ZFPL1: variants seen among roughly 807,000 people sequenced by gnomAD.
ZFPL1 encodes zinc finger protein like 1, also known as zinc finger protein-like 1.
In ZFPL1, 28 loss-of-function variants were observed where a neutral mutation model predicts 32.0. The observed-to-expected ratio is 0.87, with a 90% CI of 0.65 to 1.20. The LOEUF is 1.20. Among genes scored for constraint, ZFPL1 ranks in the 50% most tolerant of loss-of-function variants. The pLI is 0.00. For missense variants in ZFPL1, 386 were observed against 424.8 expected (o/e 0.91, Z 0.80); for synonymous variants, 165 against 177.0 (o/e 0.93, Z 0.54).
intron 2 of ZFPL1, 30 bp from the exon 3 acceptor site, chr11:65,085,085 A>C (rs369205085): frequency 6.9e-6 from 11 of 1,604,524 alleles, no homozygotes; most frequent in Non-Finnish European, 7.7e-6. Context: ...CAGCCCCAGC[A>C]CCAGTTGTGA....
rs1947644859 is a variant in ZFPL1, at chr11:65,084,234, G to A, written c.-153G>A. ...CGCCGCACCCGGAAGAGACGTGGCA[G>A]CGGAGGGATAATCGGGGCGGCCGGG... On this transcript the variant is annotated 5_prime_UTR_variant, in exon 1 of 8. Transcript: ENST00000294258. The A allele has an allele frequency of 5.2e-6, 3 of 582,080 alleles. No individual in the cohort carries two copies. The South Asian group carries it at 6.2e-5, about 12-fold the overall frequency. The allele number at this position is 582,080 out of a possible 1,614,324, so 36.1% of individuals were successfully genotyped here.
chr11:65,087,645 G>A (rs1283908455), intron 7 of ZFPL1: 1 of 617,606 alleles, frequency 1.6e-6, no homozygotes, highest in Non-Finnish European at 2.8e-6. Context: ...TACACAGGAG[G>A]TTTGAACTCA....
In ZFPL1 at chr11:65,086,834, C is replaced by G. The variant is rs767873757; in HGVS notation, c.481+42C>G. The G allele has an allele frequency of 3.7e-6, 6 of 1,614,120 alleles. No homozygotes were observed. In the South Asian group the frequency reaches 6.6e-5, roughly 18 times the overall value. ...ACCGACTGTTTGGGCTTTAGCCTCCCTGCTCTGCTGACAGCTCCCTTGGTC... is the reference window on the plus strand; with the variant it reads ...ACCGACTGTTTGGGCTTTAGCCTCCGTGCTCTGCTGACAGCTCCCTTGGTC... On this transcript the variant is annotated intron_variant, in intron 5 of 7. Coordinates refer to ENST00000294258, the MANE Select transcript of ZFPL1 (RefSeq NM_006782.4).
intron 3 of ZFPL1, chr11:65,086,193 A>C: frequency 1.5e-6 from 1 of 645,452 alleles, no homozygotes; most frequent in Non-Finnish European, 2.7e-6. Context: ...CTTCCTACCC[A>C]AACTTACCCC....
rs115465092 is a variant in ZFPL1, at chr11:65,085,930, G to A, written c.215-485G>A. ...AGGGTGCCTGTTAGCAAACCTGTGA[G>A]TGTATAGATGTGTATGTGTGAGGGC... On this transcript the variant is annotated intron_variant, in intron 3 of 7. Transcript: ENST00000294258. 6.5e-3 allele frequency: 1,328 copies of A among 205,382 alleles called. 18 individuals are homozygous for A. Among genetic ancestry groups the A allele is most frequent in the African/African-American group, 0.03 (1,267 of 42,234 alleles). The allele number at this position is 205,382 out of a possible 1,614,324, so 12.7% of individuals were successfully genotyped here. A position where few individuals can be genotyped will look rare whatever the true frequency, so the allele number is the denominator to read the frequency against.
Position 65,087,068 on chromosome 11 carries a change from A to G in ZFPL1, c.622A>G (p.Thr208Ala). ...VIHMGNPEPL[T>A]HAPRKVYDTR... ...CCACATGGGCAATCCTGAGCCCTTG[A>G]CTCACGGTGAGCCTGGGAGTTATCC... Residue 208 changes from threonine (T) to alanine (A), a missense_variant, in exon 6 of 8, where the codon ACT becomes GCT. Coordinates refer to ENST00000294258, the MANE Select transcript of ZFPL1 (RefSeq NM_006782.4). 6.2e-7 allele frequency: 1 copy of G among 1,612,560 alleles called. No individual in the cohort carries two copies. The highest frequency in any genetic ancestry group is 8.5e-7 in the Non-Finnish European group (1 of 1,179,070).
intron 5 of ZFPL1, 41 bp downstream of exon 5, chr11:65,086,833 C>T (rs1947684552): frequency 1.2e-6 from 2 of 1,614,036 alleles, no homozygotes; most frequent in Admixed American, 3.3e-5. Context: ...CTTTAGCCTC[C>T]CTGCTCTGCT....
chr11:65,085,447 C>T, intron 3 of ZFPL1: 1 of 574,964 alleles, frequency 1.7e-6, no homozygotes, highest in Non-Finnish European at 3.1e-6. Flanking sequence ...CCTAGTTCCT[C>T]TTTCCTAAAA....
In ZFPL1 at chr11:65,085,141, G is replaced by T; in HGVS notation, c.129G>T (p.Trp43Cys). Residue 43 changes from tryptophan to cysteine, a missense_variant, in exon 3 of 8, where the codon TGG (tryptophan) becomes TGT (cysteine). Transcript: ENST00000294258. ...GCATCGTCCAGTCCTACCTGCAATGGCTCCAAGATAGCGACTACAACCCCA... is the reference window on the plus strand; with the variant it reads ...GCATCGTCCAGTCCTACCTGCAATGTCTCCAAGATAGCGACTACAACCCCA... ...AKCIVQSYLQ[W>C]LQDSDYNPNC... 1 of 1,614,140 alleles carries T rather than the reference G, an allele frequency of 6.2e-7. No individual in the cohort carries two copies. The highest frequency in any genetic ancestry group is 8.5e-7 in the Non-Finnish European group (1 of 1,180,026).
Position 65,084,366 on chromosome 11 carries a change from CACAGAG to C in ZFPL1, c.-18_-13del. The C allele has an allele frequency of 5.9e-6, 3 of 508,346 alleles. No homozygotes were observed. The South Asian group carries it at 6.8e-5, about 12-fold the overall frequency. The allele number at this position is 508,346 out of a possible 1,614,324, so 31.5% of individuals were successfully genotyped here. A position where few individuals can be genotyped will look rare whatever the true frequency, so the allele number is the denominator to read the frequency against. On this transcript the variant is annotated 5_prime_UTR_variant, in exon 1 of 8. Transcript: ENST00000294258. ...ACCAGTGCAGCGGCCGATCAGTAAA[CACAGAG>C]ACTGGGGTCTGTAGAGAAGGGGCGG...
rs1225462584 is a variant in ZFPL1, at chr11:65,088,148, G to A, written c.*34G>A. 6.3e-7 allele frequency: 1 copy of A among 1,583,550 alleles called. No individual in the cohort carries two copies. Among genetic ancestry groups the A allele is most frequent in the African/African-American group, 1.4e-5 (1 of 73,474 alleles). ...GCTTGTGGCTAGGCCAGCCTAGGAT[G>A]TGGGTTCTGTGGAGGAGAGGCGGGG... On this transcript the variant is annotated 3_prime_UTR_variant, in exon 8 of 8. Transcript: ENST00000294258.
Position 65,086,943 on chromosome 11 carries a change from G to T in ZFPL1, c.497G>T (p.Gly166Val). 2 of 1,613,920 alleles carry T rather than the reference G, an allele frequency of 1.2e-6. No homozygotes were observed. Among genetic ancestry groups the T allele is most frequent in the Non-Finnish European group, 1.7e-6 (2 of 1,179,948 alleles). The change falls in exon 6 of 8, where the codon GGA becomes GTA. Residue 166 changes from glycine to valine, a missense_variant. Gly to Val is a moderately radical substitution (Grantham distance 109, BLOSUM62 -3). Transcript: ENST00000294258. ...CCACCCACAGCCAGCAGTACCCCTG[G>T]ACCAGAGGAGGTAGACAGCGCCTCT... ...WSSFNASSTP[G>V]PEEVDSASAA... is the part of the protein sequence containing the mutation.
chr11:65,086,700 A>ACCCAGATTCCTTCCTCCAGATCGG lies in ZFPL1; in HGVS notation c.412_413insGCCCAGATTCCTTCCTCCAGATCG. 6 of 1,614,068 alleles carry ACCCAGATTCCTTCCTCCAGATCGG rather than the reference A, an allele frequency of 3.7e-6. No individual in the cohort carries two copies. Among genetic ancestry groups the ACCCAGATTCCTTCCTCCAGATCGG allele is most frequent in the Non-Finnish European group, 5.1e-6 (6 of 1,180,028 alleles). On this transcript the variant is annotated intron_variant, in intron 4 of 7. Transcript: ENST00000294258. Reference sequence around the variant, plus strand: ...GGGGACAATACTAGGCAGCCTGGTGACCCAGATTCCTTCCTCCAGATCGAT... The same window carrying ACCCAGATTCCTTCCTCCAGATCGG: ...GGGGACAATACTAGGCAGCCTGGTGACCCAGATTCCTTCCTCCAGATCGGCCCAGATTCCTTCCTCCAGATCGAT...
At chr11:65,084,405 AG>A (rs1288061445) in intron 1 of ZFPL1, 27 bp downstream of exon 1, 4 of 166,414 alleles carry the variant, frequency 2.4e-5, no homozygotes, top group Non-Finnish European at 4.0e-5. Context: ...CGGGACTTGG[AG>A]GGGGTGGGGC....
At position 65,087,316 on chromosome 11, in the gene ZFPL1, C is replaced by T; in HGVS notation, c.629C>T (p.Ala210Val). 2 of 1,613,976 alleles carry T rather than the reference C, an allele frequency of 1.2e-6. No homozygotes were observed. The highest frequency in any genetic ancestry group is 1.7e-6 in the Non-Finnish European group (2 of 1,179,888). Residue 210 changes from alanine to valine, a missense_variant and splice_region_variant, in exon 7 of 8, where the codon GCC becomes GTC. By Grantham distance (64) the Ala-to-Val change is moderately conservative. Transcript: ENST00000294258. ...HMGNPEPLTHAPRKVYDTRDD... is the reference protein window; with the variant it reads ...HMGNPEPLTHVPRKVYDTRDD... ...TGATGCTAGTGGCTCCACCCTGTAGCCCCTAGGAAGGTGTATGATACGCGG... is the reference window on the plus strand; with the variant it reads ...TGATGCTAGTGGCTCCACCCTGTAGTCCCTAGGAAGGTGTATGATACGCGG...
In ZFPL1 at chr11:65,088,285, G is replaced by T; in HGVS notation, c.*171G>T. The T allele has an allele frequency of 9.2e-7, 1 of 1,084,320 alleles. No individual in the cohort carries two copies. The highest frequency in any genetic ancestry group is 1.3e-6 in the Non-Finnish European group (1 of 751,762). 67.2% of individuals were successfully genotyped at this position (1,084,320 alleles called of 1,614,324 possible). A position where few individuals can be genotyped will look rare whatever the true frequency, so the allele number is the denominator to read the frequency against. ...AGAGTGGCTGCAGGCCAGGCCTGGAGTCCCCGTGGGTCAAGCATTTGTCTT... is the reference window on the plus strand; with the variant it reads ...AGAGTGGCTGCAGGCCAGGCCTGGATTCCCCGTGGGTCAAGCATTTGTCTT... On this transcript the variant is annotated 3_prime_UTR_variant, in exon 8 of 8. Transcript: ENST00000294258.
In ZFPL1 at chr11:65,086,816, G is replaced by C. The variant is rs768769309; in HGVS notation, c.481+24G>C. ...TGGTAAGTGGTGGCTTCCACCGACT[G>C]TTTGGGCTTTAGCCTCCCTGCTCTG... is the stretch of plus-strand genomic sequence containing the variant. On this transcript the variant is annotated intron_variant, in intron 5 of 7. Coordinates refer to ENST00000294258, the MANE Select transcript of ZFPL1 (RefSeq NM_006782.4). The C allele has an allele frequency of 3.1e-6, 5 of 1,614,216 alleles. No individual in the cohort carries two copies. The South Asian group carries it at 5.5e-5, about 18-fold the overall frequency.
chr11:65,086,165 AAGG>A, intron 3 of ZFPL1: 1 of 583,570 alleles, frequency 1.7e-6, no homozygotes, highest in South Asian at 2.0e-5. Flanking sequence ...AAAGGACTGA[AAGG>A]GGAGGTGGCG....
intron 2 of ZFPL1, 142 bp downstream of exon 2, chr11:65,084,942 C>A: frequency 9.1e-7 from 1 of 1,101,742 alleles, no homozygotes; most frequent in Non-Finnish European, 1.3e-6. Context: ...ACTGATATAT[C>A]CCCCGTTCCC....
Sources: allele counts gnomAD v4.1 joint callset, GRCh38; gene constraint gnomAD v4.1.1; transcripts MANE v1.5; gene names NCBI Gene and HGNC (gene_info 2026-07-23, HGNC 2026-07-21).